Variants in FAM186A observed in about 807,000 individuals in gnomAD.
The protein encoded by FAM186A is family with sequence similarity 186 member A.
FAM186A carries 163 observed loss-of-function variants against 216.8 expected under a neutral mutation model. The observed-to-expected ratio is 0.75, with a 90% CI of 0.66 to 0.86. The LOEUF is 0.86. Ranked by LOEUF, FAM186A falls within the 40% of genes least tolerant of loss-of-function variation. FAM186A has a pLI of 0.00. For missense variants in FAM186A, 2,184 were observed against 2,746.2 expected (o/e 0.80, Z 4.58); for synonymous variants, 805 against 1,025.3 (o/e 0.79, Z 4.10).
Position 50,354,896 on chromosome 12 carries a change from C to T in FAM186A, c.1936G>A (p.Val646Met). Reference protein sequence around the residue: ...SHQLVKSLSRVAKETSESTRV... With the variant: ...SHQLVKSLSRMAKETSESTRV... ...GTAGATTCTGAAGTCTCTTTAGCCA[C>T]TCTTGAGAGTGATTTAACAAGTTGA... Residue 646 changes from valine to methionine, a missense_variant, in exon 4 of 8, where the codon GTG becomes ATG. Transcript: ENST00000327337. The T allele has an allele frequency of 7.7e-6, 12 of 1,550,686 alleles. No individual in the cohort carries two copies. Among genetic ancestry groups the T allele is most frequent in the African/African-American group, 1.4e-5 (1 of 73,122 alleles).
Position 50,331,930 on chromosome 12 carries a change from G to A in FAM186A, c.6697-109C>T. 3 of 952,724 alleles carry A rather than the reference G, an allele frequency of 3.1e-6. No homozygotes were observed. The South Asian group carries it at 5.8e-5, about 18-fold the overall frequency. The allele number at this position is 952,724 out of a possible 1,614,324, so 59.0% of individuals were successfully genotyped here. ...AAACTGTGACTCCTCCTTTTCCATG[G>A]ATTTGCAAATCCTCTCCCTACTCCA... On this transcript the variant is annotated intron_variant, in intron 5 of 7. Coordinates refer to ENST00000327337, the MANE Select transcript of FAM186A (RefSeq NM_001145475.3).
At chr12:50,388,925 C>T (rs1396640546) in intron 1 of FAM186A, among the ~76,000 whole-genome samples, 1 of 151,728 alleles carries the variant, frequency 6.6e-6, no homozygotes, top group East Asian at 1.9e-4. Context: ...TGGTGCATGC[C>T]TGAGGTCCCA....
At chr12:50,362,066 G>A (rs187636642) in intron 2 of FAM186A, among the ~76,000 whole-genome samples, 4 of 151,440 alleles carry the variant, frequency 2.6e-5, no homozygotes, top group African/African-American at 4.9e-5. Flanking sequence ...TCCACCTCCC[G>A]GGTTCAAACA....
rs868129386 is a variant in FAM186A at position 50,374,098 on chromosome 12, C to A, written c.193-10734G>T. Among the ~76,000 whole-genome samples the A allele has an allele frequency of 9.4e-3, 1,307 of 138,430 alleles. 24 individuals carry two copies. Among genetic ancestry groups the A allele is most frequent in the African/African-American group, 0.032 (1,176 of 36,556 alleles). The allele number at this position is 138,430 out of a possible 152,430, so 90.8% of individuals were successfully genotyped here. ...TTCTCACTCATAGGTGGGAACTGAA[C>A]AATGAGAACACATGGACACAGGAAG... On this transcript the variant is annotated intron_variant, in intron 1 of 7. Coordinates refer to ENST00000327337, the MANE Select transcript of FAM186A (RefSeq NM_001145475.3).
rs115150547 is a variant in FAM186A, at chr12:50,381,649, C to T, written c.192+14644G>A. Among the ~76,000 whole-genome samples, 861 of 152,160 alleles carry T rather than the reference C, an allele frequency of 5.7e-3. 6 individuals carry two copies. Among genetic ancestry groups the T allele is most frequent in the African/African-American group, 0.02 (838 of 41,502 alleles). Reference sequence around the variant, plus strand: ...ACAGGAGCAGCTATACTTATATAACCGAACATAAACTTTAAGTCAAAAACT... The same window carrying T: ...ACAGGAGCAGCTATACTTATATAACTGAACATAAACTTTAAGTCAAAAACT... On this transcript the variant is annotated intron_variant, in intron 1 of 7. Coordinates refer to ENST00000327337, the MANE Select transcript of FAM186A (RefSeq NM_001145475.3).
chr12:50,337,289 CTTTTTTTTTTTTTTT>C (rs71441358), intron 4 of FAM186A, among the ~76,000 whole-genome samples: 1 of 69,668 alleles, frequency 1.4e-5, no homozygotes, highest in Admixed American at 1.7e-4. Context: ...AGAGATAATT[CTTTTTTTTTTTTTTT>C]TTTTTTTTTA....
At chr12:50,363,025 G>T in intron 2 of FAM186A, 120 bp downstream of exon 2, 1 of 846,680 alleles carries the variant, frequency 1.2e-6, no homozygotes, top group Non-Finnish European at 1.8e-6. Flanking sequence ...ACCATTCTCT[G>T]AATAACCTCC....
chr12:50,386,507 G>C (rs1240430289), intron 1 of FAM186A, among the ~76,000 whole-genome samples: 1 of 152,078 alleles, frequency 6.6e-6, no homozygotes, highest in African/African-American at 2.4e-5. Flanking sequence ...ATTCCGCAAT[G>C]TATAAATATA....
chr12:50,351,314 C>A lies in FAM186A; in HGVS notation c.5518G>T (p.Ala1840Ser). 6.6e-7 allele frequency: 1 copy of A among 1,522,038 alleles called. No individual in the cohort carries two copies. The highest frequency in any genetic ancestry group is 8.8e-7 in the Non-Finnish European group (1 of 1,134,830). 94.3% of individuals were successfully genotyped at this position (1,522,038 alleles called of 1,614,324 possible). A position where few individuals can be genotyped will look rare whatever the true frequency, so the allele number is the denominator to read the frequency against. ...APPTPGQPFI[A>S]GVPPTSGQIP... ...TGTCCAGAAGTGGGTGGAACTCCAG[C>A]TATAAAGGGCTGCCCTGGAGTGGGA... Residue 1840 changes from alanine to serine, a missense_variant, in exon 4 of 8, where the codon GCT becomes TCT. By Grantham distance (99) the Ala-to-Ser change is moderately conservative. This residue lies in a region of FAM186A where 721 missense variants were observed against 816.4 expected (regional missense o/e 0.88). Transcript: ENST00000327337.
Position 50,396,363 on chromosome 12 carries a change from A to T in FAM186A, c.122T>A (p.Leu41His). ...NILSPLMLPN[L>H]EIPFSVKDII... Reference sequence around the variant, plus strand: ...ATCCTTTACTGAGAATGGGATCTCAAGGTTAGGGAGCATCAAAGGACTAAG... The same window carrying T: ...ATCCTTTACTGAGAATGGGATCTCATGGTTAGGGAGCATCAAAGGACTAAG... The change falls in exon 1 of 8, where the codon CTT (leucine) becomes CAT (histidine). Residue 41 changes from leucine to histidine, a missense_variant. Physicochemically the swap from Leu to His is moderately conservative, Grantham distance 99 (BLOSUM62 -3). Around this residue, in one of 7 missense-constraint regions of FAM186A, gnomAD observed 1,132 missense variants for 1,263.4 expected, o/e 0.90. Coordinates refer to ENST00000327337, the MANE Select transcript of FAM186A (RefSeq NM_001145475.3). 6.4e-7 allele frequency: 1 copy of T among 1,551,596 alleles called. No individual in the cohort carries two copies. Among genetic ancestry groups the T allele is most frequent in the Non-Finnish European group, 8.7e-7 (1 of 1,146,972 alleles).
chr12:50,391,380 A>G (rs1355984339), intron 1 of FAM186A, among the ~76,000 whole-genome samples: 1 of 150,926 alleles, frequency 6.6e-6, no homozygotes. Context: ...CAGTGGCGCG[A>G]TCTTGGCTCA....
chr12:50,379,208 A>T (rs992379261), intron 1 of FAM186A, among the ~76,000 whole-genome samples: 12 of 152,102 alleles, frequency 7.9e-5, no homozygotes, highest in African/African-American at 2.9e-4. Flanking sequence ...TGGGAGGCCG[A>T]GGTGGGTGGA....
intron 1 of FAM186A, among the ~76,000 whole-genome samples, chr12:50,384,866 C>T (rs939755664): frequency 5.3e-5 from 8 of 151,844 alleles, no homozygotes; most frequent in African/African-American, 9.7e-5. Flanking sequence ...AGTGCATTGG[C>T]GCGATCTTGG....
In FAM186A at chr12:50,355,196, G is replaced by T. The variant is rs757182012; in HGVS notation, c.1636C>A (p.Gln546Lys). Residue 546 changes from glutamine (Q) to lysine (K), a missense_variant, in exon 4 of 8, where the codon CAA becomes AAA. Around this residue, in one of 7 missense-constraint regions of FAM186A, gnomAD observed 1,132 missense variants for 1,263.4 expected, o/e 0.90. Transcript: ENST00000327337. ...GATTCACGTTTGACCTTCCTAAATT[G>T]CTCCAACATCATCATACTTGTTCCA... Reference protein sequence around the residue: ...KSGTSMMMLEQFRKVKRESPF... With the variant: ...KSGTSMMMLEKFRKVKRESPF... 6.4e-6 allele frequency: 10 copies of T among 1,551,478 alleles called. No individual in the cohort carries two copies. The African/African-American group carries it at 1.1e-4, about 17-fold the overall frequency.
At chr12:50,327,794 C>A (rs545116539) in intron 7 of FAM186A, among the ~76,000 whole-genome samples, 1 of 152,220 alleles carries the variant, frequency 6.6e-6, no homozygotes, top group South Asian at 2.1e-4. Context: ...ATCTACCCGC[C>A]TTGGCCTCCC....
intron 4 of FAM186A, among the ~76,000 whole-genome samples, chr12:50,341,695 C>T (rs925544648): frequency 6.6e-5 from 10 of 152,018 alleles, no homozygotes; most frequent in African/African-American, 9.7e-5. Context: ...ATTAGCTGGG[C>T]GTAGTGATGT....
chr12:50,387,659 T>C (rs150737391), intron 1 of FAM186A, among the ~76,000 whole-genome samples: 2 of 152,192 alleles, frequency 1.3e-5, no homozygotes, highest in African/African-American at 4.8e-5. Context: ...TGCTTCACCC[T>C]AATATTACTA....
rs1432751079 is a variant in FAM186A, at chr12:50,353,231, G to C, written c.3601C>G (p.Gln1201Glu). The C allele has an allele frequency of 1.3e-6, 2 of 1,526,978 alleles. No individual in the cohort carries two copies. The highest frequency in any genetic ancestry group is 2.4e-5 in the South Asian group (2 of 82,432). The allele number at this position is 1,526,978 out of a possible 1,614,324, so 94.6% of individuals were successfully genotyped here. ...GGGGTGAGAGAGACCCTCAGGGCCT[G>C]GGCCTGCTGAGGGGTGAGAGGGATC... ...LGIPLTPQQA[Q>E]ALRVSLTPQQ... Residue 1201 changes from glutamine to glutamate, a missense_variant, in exon 4 of 8, where the codon CAG becomes GAG. Around this residue, in one of 7 missense-constraint regions of FAM186A, gnomAD observed 267 missense variants for 446.2 expected, o/e 0.60. Coordinates refer to ENST00000327337, the MANE Select transcript of FAM186A (RefSeq NM_001145475.3).
chr12:50,351,455 G>A lies in FAM186A; in HGVS notation c.5377C>T (p.Gln1793Ter). 2.0e-6 allele frequency: 3 copies of A among 1,475,312 alleles called. No individual in the cohort carries two copies. The Middle Eastern group carries it at 5.4e-4, about 264-fold the overall frequency. 91.4% of individuals were successfully genotyped at this position (1,475,312 alleles called of 1,614,324 possible). Residue 1793 changes from glutamine to a stop codon, truncating the protein, a stop_gained, in exon 4 of 8, where the codon CAG (glutamine) becomes TAG (stop). Coordinates refer to ENST00000327337, the MANE Select transcript of FAM186A (RefSeq NM_001145475.3). LOFTEE classifies it high-confidence loss of function. ...GTCTGTCCAGAGGAACGAAGAGTCT[G>A]TGGTGCCCCAAGCTTCCCAGGCTCA... ...LSEPGKLGAP[Q>*]TLRSSGQTLV...
Sources: gnomAD v4.1 joint callset for allele counts (sites outside exome capture counted in the v4.1 genomes callset) on GRCh38, gnomAD v4.1.1 for gene constraint, gnomAD v4.1.1 regional missense constraint, MANE v1.5 for transcripts, NCBI Gene and HGNC (gene_info 2026-07-23, HGNC 2026-07-21) for gene names.